The following FRMD4A variants were observed in gnomAD, a reference collection of about 807,000 sequenced individuals.
FRMD4A encodes FERM domain-containing protein 4A.
FRMD4A carries 29 observed loss-of-function variants against 129.1 expected under a neutral mutation model. The ratio of observed to expected loss-of-function variants is 0.22; its 90% CI spans 0.17 to 0.31. The LOEUF is 0.31. Among genes scored for constraint, FRMD4A ranks in the 10% least tolerant of loss-of-function variants. FRMD4A has a pLI of 1.00. For synonymous variants in FRMD4A, 634 were observed against 571.6 expected (o/e 1.11, Z -1.56); for missense variants, 1,272 against 1,375.8 (o/e 0.92, Z 1.19).
chr10:14,117,368 T>C (rs1399223769), intron 2 of FRMD4A, among the ~76,000 whole-genome samples: 2 of 152,182 alleles, frequency 1.3e-5, no homozygotes, highest in African/African-American at 4.8e-5. Flanking sequence ...TTTTATAAAA[T>C]TGTACAAGCA....
chr10:13,807,602 A>G (rs143068900), intron 4 of FRMD4A, among the ~76,000 whole-genome samples: 76 of 152,320 alleles, frequency 5.0e-4, no homozygotes, highest in Non-Finnish European at 9.3e-4. Flanking sequence ...TTACACTGTG[A>G]CTTAGATGCT....
intron 2 of FRMD4A, among the ~76,000 whole-genome samples, chr10:14,106,821 A>T (rs1007105945): frequency 6.6e-6 from 1 of 152,000 alleles, no homozygotes; most frequent in Non-Finnish European, 1.5e-5. Context: ...GGAACTTAAA[A>T]TCGAGCTACC....
intron 2 of FRMD4A, among the ~76,000 whole-genome samples, chr10:14,289,310 ACAGC>A (rs1191283494): frequency 1.3e-4 from 20 of 152,096 alleles, no homozygotes; most frequent in Non-Finnish European, 2.9e-5. Context: ...AAATAAAATA[ACAGC>A]CATCTTGACA....
intron 2 of FRMD4A, among the ~76,000 whole-genome samples, chr10:14,127,230 T>G (rs1384902485): frequency 6.6e-6 from 1 of 152,112 alleles, no homozygotes; most frequent in African/African-American, 2.4e-5. Context: ...AGCTGGCCCG[T>G]GAGGAGGGTG....
At chr10:13,966,600 G>A (rs2095486735) in intron 2 of FRMD4A, among the ~76,000 whole-genome samples, 1 of 152,226 alleles carries the variant, frequency 6.6e-6, no homozygotes, top group South Asian at 2.1e-4. Flanking sequence ...GGAAACCCGG[G>A]TGGGACAGAA....
chr10:13,704,900 G>T (rs1409324), intron 13 of FRMD4A, among the ~76,000 whole-genome samples: 49,892 of 147,706 alleles, frequency 0.34, 9,571 homozygotes, highest in East Asian at 0.48. Flanking sequence ...GTGAGACCCA[G>T]TCTCTCCAAA....
chr10:13,789,342 C>T (rs534241433), intron 5 of FRMD4A, among the ~76,000 whole-genome samples: 16 of 152,244 alleles, frequency 1.1e-4, no homozygotes, highest in African/African-American at 2.2e-4. Context: ...CCTTCCTCCC[C>T]GATCGGACTT....
At position 13,664,064 on chromosome 10, in the gene FRMD4A, A is replaced by G. The variant is rs1197116035; in HGVS notation, c.1604-555T>C. On this transcript the variant is annotated intron_variant, in intron 18 of 24. Coordinates refer to ENST00000357447, the MANE Select transcript of FRMD4A (RefSeq NM_018027.5). ...GCCATTCAATTAACCGGGAGAACACACCCAAAAGGGAGATGGTAAAATAAT... is the reference window on the plus strand; with the variant it reads ...GCCATTCAATTAACCGGGAGAACACGCCCAAAAGGGAGATGGTAAAATAAT... Among the ~76,000 whole-genome samples, 3 of 152,274 alleles carry G rather than the reference A, an allele frequency of 2.0e-5. No individual in the cohort carries two copies. In the East Asian group the frequency reaches 5.8e-4, roughly 29 times the overall value.
intron 2 of FRMD4A, among the ~76,000 whole-genome samples, chr10:14,206,396 A>G (rs535976893): frequency 6.6e-6 from 1 of 152,198 alleles, no homozygotes; most frequent in Non-Finnish European, 1.5e-5. Context: ...TGTGGTTTGA[A>G]TTTCAATATC....
chr10:14,104,101 C>T (rs1013517346), intron 2 of FRMD4A, among the ~76,000 whole-genome samples: 16 of 152,048 alleles, frequency 1.1e-4, no homozygotes, highest in African/African-American at 2.9e-4. Context: ...CACCTGCCAT[C>T]GAGGTCTACA....
chr10:13,972,957 C>A (rs1231022703), intron 2 of FRMD4A, among the ~76,000 whole-genome samples: 1 of 152,228 alleles, frequency 6.6e-6, no homozygotes, highest in African/African-American at 2.4e-5. Flanking sequence ...CTAATACCAT[C>A]AGAAAAGTAG....
intron 15 of FRMD4A, among the ~76,000 whole-genome samples, chr10:13,686,383 G>C (rs890205126): frequency 6.6e-6 from 1 of 152,246 alleles, no homozygotes; most frequent in African/African-American, 2.4e-5. Flanking sequence ...GAGCCTATCA[G>C]CTCCCCTCTC....
intron 2 of FRMD4A, among the ~76,000 whole-genome samples, chr10:13,929,491 C>T (rs2095170433): frequency 6.6e-6 from 1 of 152,184 alleles, no homozygotes; most frequent in Non-Finnish European, 1.5e-5. Flanking sequence ...AGTGTTGTCC[C>T]TTCCAGAGTG....
intron 15 of FRMD4A, chr10:13,692,773 T>C (rs899626107): frequency 1.3e-5 from 2 of 152,248 alleles, no homozygotes; most frequent in Non-Finnish European, 2.9e-5. Context: ...TATAGTAATA[T>C]AAATTACCAG....
intron 2 of FRMD4A, among the ~76,000 whole-genome samples, chr10:14,019,162 A>G (rs1832616903): frequency 6.6e-6 from 1 of 152,142 alleles, no homozygotes; most frequent in Admixed American, 6.5e-5. Flanking sequence ...AGACCAAGAG[A>G]AGAGCTAATC....
At chr10:13,902,527 C>T (rs953422828) in intron 2 of FRMD4A, among the ~76,000 whole-genome samples, 1 of 147,498 alleles carries the variant, frequency 6.8e-6, no homozygotes, top group Non-Finnish European at 1.5e-5. Flanking sequence ...ACATGAGAAT[C>T]CCCTGGAAGA....
At chr10:14,228,058 G>A (rs906423267) in intron 2 of FRMD4A, among the ~76,000 whole-genome samples, 11 of 152,128 alleles carry the variant, frequency 7.2e-5, no homozygotes, top group Non-Finnish European at 1.3e-4. Context: ...ATTTTTAGTA[G>A]AGACAGGGTT....
intron 2 of FRMD4A, among the ~76,000 whole-genome samples, chr10:14,249,039 CA>C (rs1844341058): frequency 6.6e-6 from 1 of 152,102 alleles, no homozygotes. Context: ...TTACAGATGA[CA>C]AAACTGAGGT....
intron 2 of FRMD4A, chr10:14,008,376 C>A: frequency 9.7e-7 from 1 of 1,026,888 alleles, no homozygotes; most frequent in Non-Finnish European, 1.2e-6. Context: ...AGCCCAAGTT[C>A]TGCAACTTCA....
Sources: allele counts gnomAD v4.1 joint callset (sites outside exome capture counted in the v4.1 genomes callset), GRCh38; gene constraint gnomAD v4.1.1; transcripts MANE v1.5; gene names NCBI Gene and HGNC (gene_info 2026-07-23, HGNC 2026-07-21).